The following TMEM165 variants were observed in gnomAD, a reference collection of about 807,000 sequenced individuals.
TMEM165 encodes transmembrane protein 165.
Under a neutral mutation model 30.0 loss-of-function variants are expected in TMEM165, and 19 were observed. That is an observed-to-expected ratio of 0.63 (90% CI 0.44 to 0.93). TMEM165 has a LOEUF of 0.93. Among genes scored for constraint, TMEM165 ranks in the 40% least tolerant of loss-of-function variants. The pLI, the probability that TMEM165 is intolerant of heterozygous loss-of-function variation, is 0.00. For synonymous variants in TMEM165, 168 were observed against 162.9 expected, an observed-to-expected ratio of 1.03 and a Z score of -0.24; for missense variants, 340 against 417.0, an observed-to-expected ratio of 0.82 and a Z score of 1.61.
At chr4:55,421,166 C>CA (rs71194559) in intron 4 of TMEM165, among the ~76,000 whole-genome samples, 1,635 of 83,254 alleles carry the variant, frequency 0.02, 57 homozygotes, top group African/African-American at 0.048. Flanking sequence ...GATTCCATCT[C>CA]AAAAAAAAAA....
intron 2 of TMEM165, chr4:55,416,870 G>A (rs958206987): frequency 1.8e-5 from 8 of 445,218 alleles, no homozygotes; most frequent in African/African-American, 1.4e-4. Flanking sequence ...TGAGTAAGCT[G>A]TGTTAGGCCT....
chr4:55,447,377 A>G (rs1369425998), intron 3 of TMEM165, among the ~76,000 whole-genome samples: 11 of 152,224 alleles, frequency 7.2e-5, no homozygotes, highest in Non-Finnish European at 1.6e-4. Flanking sequence ...AAAAAATTAA[A>G]AAGTTACATT....
At chr4:55,426,963 CTG>C (rs1243445977), downstream of TMEM165, among the ~76,000 whole-genome samples, 1 of 151,788 alleles carries the variant, frequency 6.6e-6, no homozygotes, top group Non-Finnish European at 1.5e-5. Context: ...AAGATAAACT[CTG>C]TGGTTAGACA....
intron 3 of TMEM165, chr4:55,449,539 T>C (rs768686362): frequency 2.7e-6 from 4 of 1,483,230 alleles, no homozygotes; most frequent in Non-Finnish European, 3.8e-6. Flanking sequence ...CTTTATAAAA[T>C]ATAGTTTTTA....
intron 3 of TMEM165, chr4:55,443,936 T>C (rs201093385): frequency 4.2e-5 from 66 of 1,573,794 alleles, no homozygotes; most frequent in African/African-American, 1.4e-4. Context: ...GCTTTGTAGA[T>C]TGAAAAGAAG....
intron 1 of TMEM165, 123 bp downstream of exon 1, chr4:55,396,519 C>T: frequency 3.6e-6 from 3 of 831,430 alleles, no homozygotes; most frequent in Non-Finnish European, 5.1e-6. Context: ...CCGGCCCCTG[C>T]TCCCGGGGTG....
At chr4:55,436,737 A>T (rs1186424139) in intron 3 of TMEM165, among the ~76,000 whole-genome samples, 1 of 152,102 alleles carries the variant, frequency 6.6e-6, no homozygotes, top group African/African-American at 2.4e-5. Flanking sequence ...CTTGATACTT[A>T]TGAGCCTTAT....
chr4:55,432,930 G>A (rs1299885552), intron 3 of TMEM165: 1 of 152,622 alleles, frequency 6.6e-6, no homozygotes, highest in African/African-American at 2.4e-5. Context: ...TTTACCTGGG[G>A]CTTGTCTTAT....
intron 3 of TMEM165, among the ~76,000 whole-genome samples, chr4:55,437,439 A>G (rs1200566408): frequency 6.6e-6 from 1 of 152,148 alleles, no homozygotes; most frequent in Non-Finnish European, 1.5e-5. Flanking sequence ...GGTTTTGTAC[A>G]TTTCTCTGCT....
intron 3 of TMEM165, among the ~76,000 whole-genome samples, chr4:55,448,597 CGCGCGTGT>C (rs1463196475): frequency 2.3e-4 from 17 of 72,918 alleles, no homozygotes; most frequent in African/African-American, 4.1e-4. Context: ...CGCGCGCACG[CGCGCGTGT>C]GTGTGTGTGT....
chr4:55,443,688 T>C (rs1723554558), intron 3 of TMEM165: 5 of 1,611,818 alleles, frequency 3.1e-6, no homozygotes, highest in Non-Finnish European at 4.2e-6. Flanking sequence ...TAACATTACC[T>C]GAGTTGATGT....
chr4:55,435,865 A>C (rs941094817), intron 3 of TMEM165, among the ~76,000 whole-genome samples: 1 of 152,234 alleles, frequency 6.6e-6, no homozygotes, highest in African/African-American at 2.4e-5. Context: ...GAGCCAAATC[A>C]CACACGTTCT....
intron 1 of TMEM165, 60 bp from the exon 2 acceptor site, chr4:55,411,554 G>C (rs547922218): frequency 9.0e-6 from 13 of 1,440,522 alleles, no homozygotes; most frequent in Admixed American, 8.2e-5. Context: ...TCTTATTTAC[G>C]TGCAAAATAA....
intron 3 of TMEM165, chr4:55,444,608 G>C: frequency 6.2e-7 from 1 of 1,613,674 alleles, no homozygotes; most frequent in Non-Finnish European, 8.5e-7. Flanking sequence ...GGGATGCTTT[G>C]TTTGTATTCA....
At chr4:55,400,359 ATAAT>A (rs553431636) in intron 1 of TMEM165, among the ~76,000 whole-genome samples, 1,470 of 56,050 alleles carry the variant, frequency 0.026, 33 homozygotes, top group African/African-American at 0.068. Flanking sequence ...TTATATTAAT[ATAAT>A]TAATTATATT....
chr4:55,405,582 A>C (rs1036827693), intron 1 of TMEM165, among the ~76,000 whole-genome samples: 1 of 152,196 alleles, frequency 6.6e-6, no homozygotes, highest in Non-Finnish European at 1.5e-5. Context: ...GCGTTTTAAG[A>C]GTACTAATAT....
intron 3 of TMEM165, chr4:55,434,907 A>T (rs919731265): frequency 3.4e-5 from 6 of 175,628 alleles, no homozygotes; most frequent in East Asian, 3.0e-4. Flanking sequence ...CAACATTCTG[A>T]AAGTAATTAC....
At chr4:55,405,378 G>T (rs1274221697) in intron 1 of TMEM165, among the ~76,000 whole-genome samples, 1 of 152,166 alleles carries the variant, frequency 6.6e-6, no homozygotes, top group Admixed American at 6.5e-5. Context: ...TTGAGGACAC[G>T]AAGGCTGTCA....
intron 3 of TMEM165, among the ~76,000 whole-genome samples, chr4:55,441,787 T>A (rs534781462): frequency 6.6e-6 from 1 of 152,250 alleles, no homozygotes; most frequent in South Asian, 2.1e-4. Context: ...ACTCAGGTGA[T>A]CAGTGCACTA....
Sources: gnomAD v4.1 joint callset for allele counts (sites outside exome capture counted in the v4.1 genomes callset) on GRCh38, gnomAD v4.1.1 for gene constraint, MANE v1.5 for transcripts, NCBI Gene and HGNC (gene_info 2026-07-23, HGNC 2026-07-21) for gene names.